Variants in OSBP observed in about 807,000 individuals in gnomAD.
OSBP encodes oxysterol binding protein, also known as oxysterol-binding protein 1.
In OSBP, 32 loss-of-function variants were observed where a neutral mutation model predicts 96.6. The ratio of observed to expected loss-of-function variants is 0.33; its 90% CI spans 0.25 to 0.45. The LOEUF (loss-of-function observed/expected upper bound fraction) is 0.45. Among genes scored for constraint, OSBP ranks in the 20% least tolerant of loss-of-function variants. The pLI is 1.00. For missense variants in OSBP, 653 were observed against 1,029.7 expected (o/e 0.63, Z 5.01); for synonymous variants, 369 against 389.6 (o/e 0.95, Z 0.62).
intron 7 of OSBP, chr11:59,595,157 A>C (rs1860632612): frequency 6.5e-6 from 1 of 153,518 alleles, no homozygotes; most frequent in Non-Finnish European, 1.5e-5. Context: ...TAAAAAAGTC[A>C]GCTTCAAAAT....
chr11:59,615,758 C>A lies in OSBP; in HGVS notation c.-94G>T. On this transcript the variant is annotated 5_prime_UTR_variant, in exon 1 of 14. Coordinates refer to ENST00000263847, the MANE Select transcript of OSBP (RefSeq NM_002556.3). The stretch of plus-strand genomic sequence containing the variant: ...CCCACACGGCTACCGCATCAGCCAC[C>A]GCCGCGCAGCGTCCCCGCCCCGCCC... 1 of 1,216,536 alleles carries A rather than the reference C, an allele frequency of 8.2e-7. No homozygotes were observed. The highest frequency in any genetic ancestry group is 1.0e-6 in the Non-Finnish European group (1 of 976,042). The allele number at this position is 1,216,536 out of a possible 1,614,324, so 75.4% of individuals were successfully genotyped here.
intron 12 of OSBP, among the ~76,000 whole-genome samples, chr11:59,577,635 G>A (rs190499583): frequency 6.6e-6 from 1 of 152,242 alleles, no homozygotes; most frequent in East Asian, 1.9e-4. Flanking sequence ...TGGGATTATG[G>A]GTGCACACCA....
rs374783673 is a variant in OSBP at position 59,615,347 on chromosome 11, C to T, written c.318G>A (p.Gln106=). The change falls in exon 1 of 14, where the codon CAG becomes CAA. Residue 106 remains glutamine, a synonymous_variant. Transcript: ENST00000263847. ...CGTTGCTCAGCACGAACCATCGCCG[C>T]TGGTAGCCTTTGATATAATTGGTCC... ...FKWTNYIKGY[Q]RRWFVLSNGL... is the part of the protein sequence containing the mutation. 1 of 1,607,970 alleles carries T rather than the reference C, an allele frequency of 6.2e-7. No individual in the cohort carries two copies. The highest frequency in any genetic ancestry group is 8.5e-7 in the Non-Finnish European group (1 of 1,176,552).
At chr11:59,615,223 G>T in intron 1 of OSBP, 80 bp downstream of exon 1, 1 of 1,244,806 alleles carries the variant, frequency 8.0e-7, no homozygotes, top group Non-Finnish European at 1.1e-6. Flanking sequence ...TGCGGTGCCG[G>T]CTGGCGGTAA....
chr11:59,598,934 T>G (rs1266167277), intron 7 of OSBP, among the ~76,000 whole-genome samples: 1 of 152,156 alleles, frequency 6.6e-6, no homozygotes, highest in African/African-American at 2.4e-5. Flanking sequence ...TTTTCCATTT[T>G]CCGGCTAGCT....
rs1860420517 is a variant in OSBP, at chr11:59,581,530, G to A, written c.1703C>T (p.Ala568Val). Reference sequence around the variant, plus strand: ...CTTCCAAGTGTAGTGGTGCCCAGTTGCATGGAAAATACAATGAATGGTACC... The same window carrying A: ...CTTCCAAGTGTAGTGGTGCCCAGTTACATGGAAAATACAATGAATGGTACC... ...PLGTIHCIFH[A>V]TGHHYTWKKV... is the part of the protein sequence containing the mutation. The change falls in exon 10 of 14, where the codon GCA (alanine) becomes GTA (valine). Residue 568 changes from alanine to valine, a missense_variant. Coordinates refer to ENST00000263847, the MANE Select transcript of OSBP (RefSeq NM_002556.3). 1.2e-6 allele frequency: 2 copies of A among 1,611,152 alleles called. No homozygotes were observed. The highest frequency in any genetic ancestry group is 2.7e-5 in the African/African-American group (2 of 74,856).
chr11:59,614,445 C>G (rs1197098101), intron 1 of OSBP, among the ~76,000 whole-genome samples: 1 of 152,222 alleles, frequency 6.6e-6, no homozygotes, highest in Non-Finnish European at 1.5e-5. Flanking sequence ...ATCTTAACTC[C>G]TCTATCCTTT....
chr11:59,591,134 ATT>A (rs1368443140), intron 9 of OSBP, among the ~76,000 whole-genome samples: 1 of 152,172 alleles, frequency 6.6e-6, no homozygotes, highest in Admixed American at 6.5e-5. Context: ...TTTTTAATTA[ATT>A]TTGTTTTCCT....
intron 9 of OSBP, among the ~76,000 whole-genome samples, chr11:59,593,313 AT>A (rs528247934): frequency 1.8e-4 from 27 of 148,362 alleles, no homozygotes; most frequent in African/African-American, 4.4e-4. Context: ...AAGAGACAGA[AT>A]TTTTTTTTTT....
chr11:59,582,543 A>G (rs1405405743), intron 9 of OSBP, among the ~76,000 whole-genome samples: 1 of 152,316 alleles, frequency 6.6e-6, no homozygotes, highest in East Asian at 1.9e-4. Context: ...TGTACCCTGA[A>G]TAATAAAACG....
rs544681053 is a variant in OSBP, at chr11:59,589,895, A to G, written c.1678+3709T>C. 2.0e-4 allele frequency among the ~76,000 whole-genome samples: 30 copies of G among 152,224 alleles called. No individual in the cohort carries two copies. In the East Asian group the frequency reaches 5.6e-3, roughly 28 times the overall value. ...CTACTCCGGAAGCTGAAGCAGGAGA[A>G]TCGCTTGAACCCAGGAGGAGGAGGT... is the stretch of plus-strand genomic sequence containing the variant. On this transcript the variant is annotated intron_variant, in intron 9 of 13. Transcript: ENST00000263847.
In OSBP at chr11:59,594,260, A is replaced by G; in HGVS notation, c.1312-5T>C. 2 of 1,610,452 alleles carry G rather than the reference A, an allele frequency of 1.2e-6. No homozygotes were observed. Among genetic ancestry groups the G allele is most frequent in the Non-Finnish European group, 1.7e-6 (2 of 1,179,770 alleles). ...CAAGGGCTCATTAAAGTTTACCTGT[A>G]AGGAGAAGAACAGATATAAAAACTA... On this transcript the variant is annotated splice_polypyrimidine_tract_variant and splice_region_variant and intron_variant, in intron 7 of 13. Coordinates refer to ENST00000263847, the MANE Select transcript of OSBP (RefSeq NM_002556.3).
At chr11:59,583,947 T>G (rs944866760) in intron 9 of OSBP, among the ~76,000 whole-genome samples, 3 of 147,344 alleles carry the variant, frequency 2.0e-5, no homozygotes, top group Non-Finnish European at 3.0e-5. Flanking sequence ...GGTGTTTTTT[T>G]TTTTTTTTTT....
At chr11:59,595,376 TAAAC>T (rs1860636157) in intron 7 of OSBP, among the ~76,000 whole-genome samples, 1 of 152,044 alleles carries the variant, frequency 6.6e-6, no homozygotes, top group African/African-American at 2.4e-5. Context: ...ACGCTTTACT[TAAAC>T]AAACAAAAAA....
At position 59,615,597 on chromosome 11, in the gene OSBP, C is replaced by T; in HGVS notation, c.68G>A (p.Gly23Asp). The change falls in exon 1 of 14, where the codon GGC becomes GAC. Residue 23 changes from glycine to aspartate, a missense_variant. Physicochemically the swap from Gly to Asp is moderately conservative, Grantham distance 94. Transcript: ENST00000263847. ...TCCCACCACTGGGGGACCGGCGCCGCCGCCGCCAAGTGCTGCAATGGCTGC... is the reference window on the plus strand; with the variant it reads ...TCCCACCACTGGGGGACCGGCGCCGTCGCCGCCAAGTGCTGCAATGGCTGC... ...GPAAIAALGGGGAGPPVVGGG... is the reference protein window; with the variant it reads ...GPAAIAALGGDGAGPPVVGGG... The T allele has an allele frequency of 7.3e-7, 1 of 1,376,200 alleles. No individual in the cohort carries two copies. The highest frequency in any genetic ancestry group is 3.1e-5 in the East Asian group (1 of 32,162). The allele number at this position is 1,376,200 out of a possible 1,614,324, so 85.2% of individuals were successfully genotyped here.
chr11:59,578,090 A>G, intron 12 of OSBP, 59 bp downstream of exon 12: 2 of 1,526,610 alleles, frequency 1.3e-6, no homozygotes, highest in South Asian at 1.1e-5. Context: ...AATGCCTTCA[A>G]TATTGCTCCA....
At chr11:59,596,271 A>C (rs1860654130) in intron 7 of OSBP, among the ~76,000 whole-genome samples, 1 of 152,116 alleles carries the variant, frequency 6.6e-6, no homozygotes, top group Non-Finnish European at 1.5e-5. Context: ...ACACCCAATA[A>C]AATCTGTCCG....
chr11:59,578,229 C>T lies in OSBP; in HGVS notation c.1980G>A (p.Gly660=), dbSNP rs1860382189. The T allele has an allele frequency of 6.2e-7, 1 of 1,614,206 alleles. No individual in the cohort carries two copies. Among genetic ancestry groups the T allele is most frequent in the Admixed American group, 1.7e-5 (1 of 60,030 alleles). The stretch of plus-strand genomic sequence containing the variant: ...TCTGTCGAGCATCACCCCCATTTTC[C>T]CCAATGACTGGCTGTACTTTGAAAC... ...MECFKVQPVI[G]ENGGDARQRG... Residue 660 remains glycine (G), a synonymous_variant, in exon 12 of 14, where the codon GGG becomes GGA. Coordinates refer to ENST00000263847, the MANE Select transcript of OSBP (RefSeq NM_002556.3).
rs752983113 is a variant in OSBP at position 59,580,264 on chromosome 11, G to T, written c.1788C>A (p.Gly596=). The change falls in exon 11 of 14, where the codon GGC becomes GGA. Residue 596 remains glycine, a synonymous_variant. Coordinates refer to ENST00000263847, the MANE Select transcript of OSBP (RefSeq NM_002556.3). ...TCTTGTGATTCACAATATCAATTTC[G>T]CCAGACTGTAAAATGAAAAAATTCA... ...IVGKLWIDQS[G]EIDIVNHKTG... 3.7e-6 allele frequency: 6 copies of T among 1,607,244 alleles called. No homozygotes were observed. Among genetic ancestry groups the T allele is most frequent in the South Asian group, 1.1e-5 (1 of 90,924 alleles).
Sources: allele counts gnomAD v4.1 joint callset (sites outside exome capture counted in the v4.1 genomes callset), GRCh38; gene constraint gnomAD v4.1.1; transcripts MANE v1.5; gene names NCBI Gene and HGNC (gene_info 2026-07-23, HGNC 2026-07-21).